Variants in FAXC observed in about 807,000 individuals in gnomAD.
The protein encoded by FAXC is failed axon connections homolog.
Under a neutral mutation model 41.9 loss-of-function variants are expected in FAXC, and 10 were observed. The ratio of observed to expected loss-of-function variants is 0.24; its 90% CI spans 0.15 to 0.41. FAXC has a LOEUF of 0.41. FAXC is among the 10% of genes least tolerant of loss of function. FAXC has a pLI of 1.00. For missense variants in FAXC, 399 were observed against 510.9 expected (o/e 0.78, Z 2.11); for synonymous variants, 183 against 183.8 (o/e 1.00, Z 0.03).
At chr6:99,336,326 G>A (rs1773215703) in intron 2 of FAXC, among the ~76,000 whole-genome samples, 1 of 151,776 alleles carries the variant, frequency 6.6e-6, no homozygotes, top group South Asian at 2.1e-4. Flanking sequence ...GTGTTGCCCA[G>A]GAAACTCCTT....
intron 2 of FAXC, among the ~76,000 whole-genome samples, chr6:99,335,376 T>C (rs1773178749): frequency 6.6e-6 from 1 of 152,250 alleles, no homozygotes; most frequent in Non-Finnish European, 1.5e-5. Context: ...CTAGTAACTC[T>C]TTGTTAAGCC....
In FAXC at chr6:99,280,962, T is replaced by G. The variant is rs111918588; in HGVS notation, c.*202A>C. On this transcript the variant is annotated 3_prime_UTR_variant, in exon 6 of 6. Transcript: ENST00000389677. ...AACCATGCTGACATTATTTTTTGCCTGTTTGTTTTCAATGGAGTCATCTGA... is the reference window on the plus strand; with the variant it reads ...AACCATGCTGACATTATTTTTTGCCGGTTTGTTTTCAATGGAGTCATCTGA... 1.0e-3 allele frequency: 540 copies of G among 529,524 alleles called. 1 individual carries two copies. Among genetic ancestry groups the G allele is most frequent in the African/African-American group, 9.4e-3 (498 of 52,898 alleles). The allele number at this position is 529,524 out of a possible 1,614,324, so 32.8% of individuals were successfully genotyped here.
At chr6:99,335,971 G>A (rs1474867452) in intron 2 of FAXC, among the ~76,000 whole-genome samples, 3 of 152,138 alleles carry the variant, frequency 2.0e-5, no homozygotes, top group South Asian at 2.1e-4. Flanking sequence ...TAAAAAAAAA[G>A]AGACTTACAA....
chr6:99,326,952 G>A (rs188286759), intron 3 of FAXC, among the ~76,000 whole-genome samples: 4 of 152,308 alleles, frequency 2.6e-5, no homozygotes, highest in African/African-American at 9.6e-5. Context: ...ACACAACTTG[G>A]CAGGGAGGAG....
chr6:99,285,204 T>C (rs1042930949), intron 5 of FAXC, among the ~76,000 whole-genome samples: 1 of 152,194 alleles, frequency 6.6e-6, no homozygotes, highest in Admixed American at 6.5e-5. Flanking sequence ...TTTAGTACTC[T>C]ATTCAACTAT....
chr6:99,328,546 C>T (rs1772905437), intron 3 of FAXC, among the ~76,000 whole-genome samples: 2 of 152,192 alleles, frequency 1.3e-5, no homozygotes, highest in East Asian at 3.8e-4. Flanking sequence ...TATGACAGCC[C>T]AAACGGCCTA....
rs147852055 is a variant in FAXC at position 99,318,306 on chromosome 6, C to CACACAAAAAA, written c.823+5137_823+5138insTTTTTTGTGT. Among the ~76,000 whole-genome samples, 313 of 135,310 alleles carry CACACAAAAAA rather than the reference C, an allele frequency of 2.3e-3. 4 individuals carry two copies. The highest frequency in any genetic ancestry group is 5.6e-3 in the East Asian group (24 of 4,304). 88.8% of individuals were successfully genotyped at this position (135,310 alleles called of 152,430 possible). A position where few individuals can be genotyped will look rare whatever the true frequency, so the allele number is the denominator to read the frequency against. On this transcript the variant is annotated intron_variant, in intron 4 of 5. Coordinates refer to ENST00000389677, the MANE Select transcript of FAXC (RefSeq NM_032511.4). ...ACACACACACACACACACACACACA[C>CACACAAAAAA]AAAATAGAAGAAATGGAAAATATAT...
chr6:99,317,470 T>C (rs1003644263), intron 4 of FAXC, among the ~76,000 whole-genome samples: 25 of 152,186 alleles, frequency 1.6e-4, no homozygotes, highest in African/African-American at 6.0e-4. Context: ...TTTTAGAAAA[T>C]GTTCTAAAGA....
intron 4 of FAXC, among the ~76,000 whole-genome samples, chr6:99,295,667 G>A (rs1040881899): frequency 6.6e-6 from 1 of 152,244 alleles, no homozygotes; most frequent in African/African-American, 2.4e-5. Flanking sequence ...CTAATGGTTC[G>A]GTTTCTCTGA....
At chr6:99,282,091 G>C (rs570355406) in intron 5 of FAXC, among the ~76,000 whole-genome samples, 1 of 152,202 alleles carries the variant, frequency 6.6e-6, no homozygotes. Flanking sequence ...ATGATGATGA[G>C]AAGTGGCAAG....
chr6:99,325,980 G>C (rs537478228), intron 3 of FAXC, among the ~76,000 whole-genome samples: 2 of 152,210 alleles, frequency 1.3e-5, no homozygotes, highest in Non-Finnish European at 2.9e-5. Flanking sequence ...GAAGGTGTAC[G>C]CATGAAGAGC....
chr6:99,297,709 T>C (rs1771554028), intron 4 of FAXC, among the ~76,000 whole-genome samples: 1 of 152,156 alleles, frequency 6.6e-6, no homozygotes, highest in South Asian at 2.1e-4. Flanking sequence ...CTCTACCTCC[T>C]ATGAATGGTC....
intron 4 of FAXC, chr6:99,309,951 G>C (rs1772094831): frequency 1.0e-6 from 1 of 971,450 alleles, no homozygotes; most frequent in South Asian, 4.8e-5. Context: ...AGTTCTACTG[G>C]AACAGAAGAA....
chr6:99,284,634 C>T (rs1770954957), intron 5 of FAXC, among the ~76,000 whole-genome samples: 1 of 150,234 alleles, frequency 6.7e-6, no homozygotes, highest in African/African-American at 2.5e-5. Context: ...CTATACAGGC[C>T]GGGCACACTG....
Position 99,279,781 on chromosome 6 carries a change from G to T in FAXC, c.*1383C>A, listed in dbSNP as rs1403341398. 6.6e-6 allele frequency: 1 copy of T among 152,108 alleles called. No homozygotes were observed. The highest frequency in any genetic ancestry group is 1.5e-5 in the Non-Finnish European group (1 of 68,020). 9.4% of individuals were successfully genotyped at this position (152,108 alleles called of 1,614,324 possible). On this transcript the variant is annotated 3_prime_UTR_variant, in exon 6 of 6. Transcript: ENST00000389677. ...TATAGGGAAAGAGAGAGAGAACGGG[G>T]ATGAGACAGCAAAAACATTAAGACT...
chr6:99,307,877 T>C (rs1239194072), intron 4 of FAXC, among the ~76,000 whole-genome samples: 1 of 152,092 alleles, frequency 6.6e-6, no homozygotes, highest in African/African-American at 2.4e-5. Flanking sequence ...TCAGGAAATA[T>C]TTCCCTCAAA....
intron 4 of FAXC, among the ~76,000 whole-genome samples, chr6:99,293,665 AGTGTGTGTGT>A (rs55827992): frequency 0.035 from 4,320 of 123,260 alleles, 152 homozygotes; most frequent in Admixed American, 0.083. Context: ...CTCTATACAC[AGTGTGTGTGT>A]GTGTGTGTGT....
chr6:99,287,835 C>G (rs1372641421), intron 5 of FAXC, among the ~76,000 whole-genome samples: 1 of 152,022 alleles, frequency 6.6e-6, no homozygotes. Context: ...AGTTTGGCTG[C>G]ATGTTATCAG....
chr6:99,277,072 G>A lies in FAXC; in HGVS notation c.*4092C>T, dbSNP rs1315579258. The A allele has an allele frequency of 6.6e-6, 1 of 152,358 alleles. No individual in the cohort carries two copies. Among genetic ancestry groups the A allele is most frequent in the Non-Finnish European group, 1.5e-5 (1 of 68,160 alleles). The allele number at this position is 152,358 out of a possible 1,614,324, so 9.4% of individuals were successfully genotyped here. On this transcript the variant is annotated 3_prime_UTR_variant, in exon 6 of 6. Transcript: ENST00000389677. ...TGGAGCAGAGAATAGAACATTTCAG[G>A]AGAAGGACTGGCATGAGCAGAGGCA...
Sources: gnomAD v4.1 joint callset for allele counts (sites outside exome capture counted in the v4.1 genomes callset) on GRCh38, gnomAD v4.1.1 for gene constraint, MANE v1.5 for transcripts, NCBI Gene and HGNC (gene_info 2026-07-23, HGNC 2026-07-21) for gene names.